The following WDPCP variants were observed in gnomAD, a reference collection of about 807,000 sequenced individuals.
WDPCP encodes WD repeat containing planar cell polarity effector.
WDPCP carries 71 observed loss-of-function variants against 93.1 expected under a neutral mutation model. The ratio of observed to expected loss-of-function variants is 0.76; its 90% confidence interval spans 0.63 to 0.93. The LOEUF (loss-of-function observed/expected upper bound fraction) is 0.93, where lower values mean the gene tolerates loss of function less well. Ranked by LOEUF, WDPCP falls within the 40% of genes least tolerant of loss-of-function variation. The pLI is 0.00. For synonymous variants in WDPCP, 315 were observed against 315.0 expected (o/e 1.00, Z 0.00); for missense variants, 844 against 887.4 (o/e 0.95, Z 0.62).
intron 12 of WDPCP, among the ~76,000 whole-genome samples, chr2:63,370,115 T>C (rs13011799): frequency 0.8 from 121,725 of 152,066 alleles, 49,576 homozygotes; most frequent in East Asian, 0.96. Flanking sequence ...GTTTGGTATC[T>C]TAATTTACTG....
At chr2:63,402,768 A>G (rs1460940661) in intron 10 of WDPCP, among the ~76,000 whole-genome samples, 1 of 152,162 alleles carries the variant, frequency 6.6e-6, no homozygotes, top group East Asian at 1.9e-4. Context: ...ATTAAAAAGT[A>G]AAAAAATAAC....
intron 2 of WDPCP, among the ~76,000 whole-genome samples, chr2:63,725,311 T>G (rs565115927): frequency 1.2e-4 from 19 of 152,326 alleles, no homozygotes; most frequent in African/African-American, 4.6e-4. Flanking sequence ...GTTTTCTGTT[T>G]CTGCATTAAT....
Position 63,790,726 on chromosome 2 carries a change from T to C in WDPCP, n.308+22896A>G, listed in dbSNP as rs12622249. On this transcript the variant is annotated intron_variant and non_coding_transcript_variant, in intron 2 of 4. Coordinates refer to the WDPCP transcript ENST00000467687. ...GAAATAAAGGAAAGTCCTATTTCTGTACAGGACTTTTGAAATAAAACATCA... is the reference window on the plus strand; with the variant it reads ...GAAATAAAGGAAAGTCCTATTTCTGCACAGGACTTTTGAAATAAAACATCA... Among the ~76,000 whole-genome samples, 4 of 152,310 alleles carry C rather than the reference T, an allele frequency of 2.6e-5. No individual in the cohort carries two copies. The East Asian group carries it at 7.7e-4, about 29-fold the overall frequency.
chr2:63,190,524 A>G (rs1674966228), intron 14 of WDPCP, among the ~76,000 whole-genome samples: 1 of 152,070 alleles, frequency 6.6e-6, no homozygotes, highest in Non-Finnish European at 1.5e-5. Context: ...ATATGTTTAA[A>G]TTGTGTTTTC....
chr2:63,479,214 A>G (rs972667918), intron 6 of WDPCP, among the ~76,000 whole-genome samples: 1 of 152,164 alleles, frequency 6.6e-6, no homozygotes, highest in Admixed American at 6.6e-5. Context: ...GCCAACAAAA[A>G]AAAGTCCAGG....
chr2:63,243,154 C>G (rs892036799), intron 14 of WDPCP, among the ~76,000 whole-genome samples: 1 of 152,132 alleles, frequency 6.6e-6, no homozygotes, highest in African/African-American at 2.4e-5. Context: ...CTAGAAATGA[C>G]ACAATATAAA....
At chr2:63,475,784 C>T (rs903070701) in intron 6 of WDPCP, among the ~76,000 whole-genome samples, 2 of 152,160 alleles carry the variant, frequency 1.3e-5, no homozygotes, top group East Asian at 3.9e-4. Context: ...TATGTTTCTT[C>T]TGTTGGCTTA....
chr2:63,757,829 T>C (rs1001971475), intron 2 of WDPCP, among the ~76,000 whole-genome samples: 1 of 152,206 alleles, frequency 6.6e-6, no homozygotes, highest in Non-Finnish European at 1.5e-5. Context: ...AACACATGTA[T>C]AGATGGAACC....
chr2:63,482,697 T>C (rs1410307508), intron 6 of WDPCP, among the ~76,000 whole-genome samples: 6 of 151,934 alleles, frequency 3.9e-5, no homozygotes, highest in Admixed American at 1.3e-4. Context: ...AGACTTTAAA[T>C]ATGTGAAGAC....
At chr2:63,609,321 A>C (rs534739630) in intron 3 of WDPCP, among the ~76,000 whole-genome samples, 1 of 152,116 alleles carries the variant, frequency 6.6e-6, no homozygotes, top group African/African-American at 2.4e-5. Flanking sequence ...AGATCATGCC[A>C]CTGCACTCCA....
intron 6 of WDPCP, among the ~76,000 whole-genome samples, chr2:63,466,490 T>A (rs916258677): frequency 3.9e-5 from 6 of 152,158 alleles, no homozygotes; most frequent in Non-Finnish European, 8.8e-5. Flanking sequence ...ATACATACAT[T>A]TATATCACAT....
intron 2 of WDPCP, among the ~76,000 whole-genome samples, chr2:63,797,722 C>T (rs1670636703): frequency 6.6e-6 from 1 of 151,824 alleles, no homozygotes; most frequent in Non-Finnish European, 1.5e-5. Flanking sequence ...GCGTTACTGG[C>T]CTTGAAGAAA....
chr2:63,705,098 A>G (rs1311405888), intron 2 of WDPCP, among the ~76,000 whole-genome samples: 1 of 152,174 alleles, frequency 6.6e-6, no homozygotes, highest in African/African-American at 2.4e-5. Context: ...AGGTGTTTAT[A>G]GTATTCTCTG....
At chr2:63,444,996 T>C (rs904399939) in intron 6 of WDPCP, among the ~76,000 whole-genome samples, 2 of 152,146 alleles carry the variant, frequency 1.3e-5, no homozygotes, top group African/African-American at 2.4e-5. Context: ...GCTCTTCAAA[T>C]TGGCTTCTCT....
intron 2 of WDPCP, among the ~76,000 whole-genome samples, chr2:63,748,559 G>A (rs963874720): frequency 1.3e-5 from 2 of 151,904 alleles, no homozygotes; most frequent in African/African-American, 2.4e-5. Flanking sequence ...AACCAATCCC[G>A]AATTATTAGG....
rs1349150146 is a variant in WDPCP at position 63,588,233 on chromosome 2, C to T, written c.39G>A (p.Ala13=). Residue 13 remains alanine (A), a synonymous_variant, in exon 1 of 18, where the codon GCG becomes GCA. Transcript: ENST00000272321. ...REFCWDAYSK[A]AGSRASSPLP... is the part of the protein sequence containing the mutation. The stretch of plus-strand genomic sequence containing the variant: ...GTGGGGAAGAAGCGCGACTCCCGGC[C>T]GCTTTGGAGTAGGCGTCCCAGCAAA... 1.3e-6 allele frequency: 2 copies of T among 1,577,560 alleles called. No homozygotes were observed. Among genetic ancestry groups the T allele is most frequent in the South Asian group, 2.3e-5 (2 of 86,652 alleles).
At chr2:63,778,452 C>T (rs1029624592) in intron 2 of WDPCP, among the ~76,000 whole-genome samples, 4 of 152,046 alleles carry the variant, frequency 2.6e-5, no homozygotes, top group Non-Finnish European at 4.4e-5. Flanking sequence ...CATGATCCAC[C>T]CACCTTAGTC....
At chr2:63,606,070 T>A in intron 3 of WDPCP, 1 of 1,526,508 alleles carries the variant, frequency 6.6e-7, no homozygotes, top group Non-Finnish European at 9.1e-7. Context: ...GAGGAAGTAG[T>A]TATATGTTTC....
chr2:63,788,565 C>T (rs566365935), intron 2 of WDPCP, among the ~76,000 whole-genome samples: 13 of 152,124 alleles, frequency 8.5e-5, no homozygotes, highest in South Asian at 4.1e-4. Context: ...ATACTTAGTT[C>T]TATTTTACTT....
Sources: gnomAD v4.1 joint callset for allele counts (sites outside exome capture counted in the v4.1 genomes callset) on GRCh38, gnomAD v4.1.1 for gene constraint, MANE v1.5 for transcripts, NCBI Gene and HGNC (gene_info 2026-07-23, HGNC 2026-07-21) for gene names.